Variants in TSPAN9 observed in about 807,000 individuals in gnomAD.
The protein encoded by TSPAN9 is tetraspanin-9.
A neutral mutation model predicts 31.0 loss-of-function variants in TSPAN9; 16 were observed. The ratio of observed to expected loss-of-function variants is 0.52; its 90% CI spans 0.35 to 0.78. The LOEUF is 0.78. Ranked by LOEUF, TSPAN9 falls within the 30% of genes least tolerant of loss-of-function variation. The pLI is 0.01. For missense variants in TSPAN9, 272 were observed against 312.5 expected (o/e 0.87, Z 0.98); for synonymous variants, 145 against 121.6 (o/e 1.19, Z -1.27).
rs190391127 is a variant in TSPAN9 at position 3,136,318 on chromosome 12, G to C, written c.-18+52599G>C. Among the ~76,000 whole-genome samples, 237 of 152,284 alleles carry C rather than the reference G, an allele frequency of 1.6e-3. 1 individual carries two copies. The highest frequency in any genetic ancestry group is 1.3e-4 in the Non-Finnish European group (9 of 68,028). On this transcript the variant is annotated intron_variant, in intron 2 of 8. Transcript: ENST00000011898. Reference sequence around the variant, plus strand: ...AGGCAGGCTGGCTCCAGAGTCCCGGGATAAGTCACGCACCACTCATCGTGG... The same window carrying C: ...AGGCAGGCTGGCTCCAGAGTCCCGGCATAAGTCACGCACCACTCATCGTGG...
chr12:3,244,568 A>G (rs1035523519), intron 3 of TSPAN9, among the ~76,000 whole-genome samples: 2 of 152,118 alleles, frequency 1.3e-5, no homozygotes, highest in Non-Finnish European at 2.9e-5. Context: ...CTTTAGGAGA[A>G]CGCACTCTCG....
Position 3,286,066 on chromosome 12 carries a change from T to G in TSPAN9, c.*2950T>G, listed in dbSNP as rs991106094. ...TGACTTGGAACTAGATGGCCATCTT[T>G]CCAGGCTTTGGTGGCCCAAGAGCAG... On this transcript the variant is annotated 3_prime_UTR_variant, in exon 9 of 9. Coordinates refer to ENST00000011898, the MANE Select transcript of TSPAN9 (RefSeq NM_006675.5). This position sits in a 1 kb window ranked among gnomAD's most constrained non-coding sequence, Gnocchi z 4.1. 6.5e-6 allele frequency: 1 copy of G among 152,684 alleles called. No individual in the cohort carries two copies. Among genetic ancestry groups the G allele is most frequent in the East Asian group, 1.9e-4 (1 of 5,194 alleles). 9.5% of individuals were successfully genotyped at this position (152,684 alleles called of 1,614,324 possible). A position where few individuals can be genotyped will look rare whatever the true frequency, so the allele number is the denominator to read the frequency against.
At chr12:3,155,049 T>A (rs1289629122) in intron 2 of TSPAN9, among the ~76,000 whole-genome samples, 1 of 152,120 alleles carries the variant, frequency 6.6e-6, no homozygotes, top group Non-Finnish European at 1.5e-5. Context: ...TCAAGGAAAA[T>A]TTGAACTTCT....
chr12:3,164,182 C>T (rs1266443023), intron 2 of TSPAN9, among the ~76,000 whole-genome samples: 1 of 152,202 alleles, frequency 6.6e-6, no homozygotes. Flanking sequence ...TTTCTCTTTC[C>T]TAAGGTGCTT....
intron 3 of TSPAN9, among the ~76,000 whole-genome samples, chr12:3,262,044 C>T (rs1254517192): frequency 6.6e-6 from 1 of 152,238 alleles, no homozygotes; most frequent in Non-Finnish European, 1.5e-5. Flanking sequence ...GACTCTAGCT[C>T]CCTTGAGCAG....
At chr12:3,222,707 G>A (rs2098385177) in intron 3 of TSPAN9, among the ~76,000 whole-genome samples, 3 of 152,134 alleles carry the variant, frequency 2.0e-5, no homozygotes. Flanking sequence ...TTTCTGCAGT[G>A]GTCCTCAAGA....
intron 2 of TSPAN9, among the ~76,000 whole-genome samples, chr12:3,133,159 A>G (rs777258570): frequency 9.9e-5 from 15 of 152,120 alleles, no homozygotes; most frequent in Non-Finnish European, 2.1e-4. Flanking sequence ...TTTTGGGGGC[A>G]GAGAGTTTGT....
chr12:3,234,534 C>T (rs946722220), intron 3 of TSPAN9, among the ~76,000 whole-genome samples: 6 of 152,198 alleles, frequency 3.9e-5, no homozygotes, highest in Non-Finnish European at 7.3e-5. Context: ...TCATCTTTCC[C>T]GTTCCTTACC....
At chr12:3,136,982 A>G (rs951809503) in intron 2 of TSPAN9, among the ~76,000 whole-genome samples, 1 of 152,156 alleles carries the variant, frequency 6.6e-6, no homozygotes, top group Admixed American at 6.5e-5. Context: ...TCGGGTGTGG[A>G]AGGGCATTGT....
At chr12:3,118,052 T>G (rs1403975655) in intron 2 of TSPAN9, among the ~76,000 whole-genome samples, 3 of 145,190 alleles carry the variant, frequency 2.1e-5, no homozygotes, top group Admixed American at 7.0e-5. Context: ...TTATGTGACA[T>G]GGGAAGCTAT....
At chr12:3,245,531 C>T (rs895667104) in intron 3 of TSPAN9, among the ~76,000 whole-genome samples, 1 of 152,184 alleles carries the variant, frequency 6.6e-6, no homozygotes, top group Non-Finnish European at 1.5e-5. Flanking sequence ...CATATGACCT[C>T]GGAACATCTC....
intron 3 of TSPAN9, among the ~76,000 whole-genome samples, chr12:3,239,272 G>T (rs191827881): frequency 6.6e-6 from 1 of 152,166 alleles, no homozygotes; most frequent in Non-Finnish European, 1.5e-5. Context: ...TGCTGGGAAC[G>T]CTGGGCAGGA....
chr12:3,255,392 G>A (rs955394152), intron 3 of TSPAN9, among the ~76,000 whole-genome samples: 16 of 152,222 alleles, frequency 1.1e-4, no homozygotes, highest in African/African-American at 2.9e-4. Context: ...GCCACATCAC[G>A]TAATGGGAGC....
chr12:3,144,609 G>A (rs893503464), intron 2 of TSPAN9, among the ~76,000 whole-genome samples: 6 of 152,206 alleles, frequency 3.9e-5, no homozygotes, highest in South Asian at 2.1e-4. Context: ...CCGCGAGACC[G>A]TAAATCCCTA....
At chr12:3,244,422 A>T (rs535028074) in intron 3 of TSPAN9, among the ~76,000 whole-genome samples, 1 of 152,146 alleles carries the variant, frequency 6.6e-6, no homozygotes, top group Middle Eastern at 3.2e-3. Flanking sequence ...GAAGGAGGCC[A>T]TGTCCTTATT....
intron 3 of TSPAN9, among the ~76,000 whole-genome samples, chr12:3,210,147 A>G (rs2098377828): frequency 6.8e-6 from 1 of 145,986 alleles, no homozygotes. Context: ...AAAAAAAAAA[A>G]GAAAAAAAAG....
At chr12:3,109,297 T>TGAGAGAGAGA (rs1392219043) in intron 2 of TSPAN9, among the ~76,000 whole-genome samples, 57 of 112,326 alleles carry the variant, frequency 5.1e-4, no homozygotes, top group Non-Finnish European at 8.6e-4. Context: ...TGTGTGTGTG[T>TGAGAGAGAGA]GTGAGAGAGA....
chr12:3,157,595 A>G (rs1005204706), intron 2 of TSPAN9, among the ~76,000 whole-genome samples: 3 of 152,236 alleles, frequency 2.0e-5, no homozygotes, highest in African/African-American at 7.2e-5. Context: ...GGCATATAGT[A>G]GACATTGAAT....
intron 3 of TSPAN9, among the ~76,000 whole-genome samples, chr12:3,269,023 T>C (rs1862611091): frequency 1.1e-5 from 1 of 92,940 alleles, no homozygotes; most frequent in Non-Finnish European, 2.2e-5. Context: ...TCTGTGTTCC[T>C]GCAGCCTGCC....
Sources: allele counts gnomAD v4.1 joint callset (sites outside exome capture counted in the v4.1 genomes callset), GRCh38; gene constraint gnomAD v4.1.1; non-coding constraint Gnocchi (gnomAD v3.1); transcripts MANE v1.5; gene names NCBI Gene and HGNC (gene_info 2026-07-23, HGNC 2026-07-21).